Variants in PRKCA observed in about 807,000 individuals in gnomAD.
PRKCA encodes protein kinase C alpha, also known as protein kinase C alpha type.
PRKCA carries 27 observed loss-of-function variants against 87.0 expected under a neutral mutation model. The observed-to-expected ratio is 0.31, with a 90% CI of 0.23 to 0.43. The LOEUF (loss-of-function observed/expected upper bound fraction) is 0.43, where lower values mean the gene tolerates loss of function less well. PRKCA is among the 20% of genes least tolerant of loss of function. The probability of loss-of-function intolerance (pLI) is 1.00; values close to 1 mark genes in which losing one functional copy is unlikely to be tolerated. For synonymous variants in PRKCA, 329 were observed against 311.1 expected, an observed-to-expected ratio of 1.06 and a Z score of -0.61; for missense variants, 518 against 852.3, an observed-to-expected ratio of 0.61 and a Z score of 4.88.
intron 7 of PRKCA, among the ~76,000 whole-genome samples, chr17:66,688,677 C>T (rs1040075634): frequency 1.3e-5 from 2 of 152,016 alleles, no homozygotes; most frequent in African/African-American, 4.8e-5. Flanking sequence ...GTGGTGTACC[C>T]CTGTAGTCCC....
intron 10 of PRKCA, 97 bp downstream of exon 10, chr17:66,735,759 T>G: frequency 7.2e-7 from 1 of 1,389,940 alleles, no homozygotes; most frequent in Non-Finnish European, 9.8e-7. Context: ...TGGAGAAGGC[T>G]GGAGAAAGGT....
At chr17:66,661,180 AGCT>A (rs775268283) in intron 5 of PRKCA, among the ~76,000 whole-genome samples, 2 of 152,134 alleles carry the variant, frequency 1.3e-5, no homozygotes, top group African/African-American at 2.4e-5. Flanking sequence ...CGCCTCTTGC[AGCT>A]GCATGTCTTC....
intron 8 of PRKCA, among the ~76,000 whole-genome samples, chr17:66,729,770 G>A (rs2144191184): frequency 6.7e-6 from 1 of 148,264 alleles, no homozygotes; most frequent in African/African-American, 2.5e-5. Flanking sequence ...CCCTGTATGA[G>A]CGAGTTATTC....
In PRKCA at chr17:66,645,517, G is replaced by T; in HGVS notation, c.529+6G>T. On this transcript the variant is annotated splice_donor_region_variant and intron_variant, in intron 5 of 16. Coordinates refer to ENST00000413366, the MANE Select transcript of PRKCA (RefSeq NM_002737.3). ...TGAAAAGCTCCATGTCACAGGTAAG[G>T]CTTGCTCATCCCGGAGCAGCATCGT... is the stretch of plus-strand genomic sequence containing the variant. 1.2e-6 allele frequency: 2 copies of T among 1,614,134 alleles called. No homozygotes were observed. The highest frequency in any genetic ancestry group is 4.5e-5 in the East Asian group (2 of 44,882).
intron 3 of PRKCA, among the ~76,000 whole-genome samples, chr17:66,552,758 G>A (rs983363577): frequency 3.3e-5 from 5 of 152,046 alleles, no homozygotes; most frequent in South Asian, 2.1e-4. Context: ...TGAGCCACTA[G>A]GTCCAGCCCA....
chr17:66,705,700 G>T (rs963558352), intron 8 of PRKCA, among the ~76,000 whole-genome samples: 1 of 152,136 alleles, frequency 6.6e-6, no homozygotes, highest in African/African-American at 2.4e-5. Context: ...GGATGAGCAG[G>T]TACCAAGGGT....
intron 2 of PRKCA, among the ~76,000 whole-genome samples, chr17:66,318,716 G>T (rs985932285): frequency 5.9e-5 from 9 of 152,102 alleles, no homozygotes; most frequent in Non-Finnish European, 8.8e-5. Context: ...TTAGCCAGGC[G>T]TGGTGGCGGG....
At chr17:66,388,594 C>T (rs567805336) in intron 2 of PRKCA, among the ~76,000 whole-genome samples, 10 of 152,106 alleles carry the variant, frequency 6.6e-5, no homozygotes, top group East Asian at 1.9e-4. Context: ...TGTGCCCAGC[C>T]GATACTTAGC....
chr17:66,591,228 C>T (rs1345884726), intron 3 of PRKCA, among the ~76,000 whole-genome samples: 1 of 152,176 alleles, frequency 6.6e-6, no homozygotes, highest in Non-Finnish European at 1.5e-5. Flanking sequence ...TCAGGGCTCG[C>T]TGTAGCCTTG....
intron 13 of PRKCA, among the ~76,000 whole-genome samples, chr17:66,771,617 G>A (rs538783066): frequency 2.2e-4 from 33 of 150,994 alleles, no homozygotes; most frequent in South Asian, 4.2e-4. Context: ...TTTTTGAGAC[G>A]GAGTCTCGCT....
intron 2 of PRKCA, among the ~76,000 whole-genome samples, chr17:66,356,507 T>G (rs1236822157): frequency 6.6e-6 from 1 of 151,766 alleles, no homozygotes; most frequent in Non-Finnish European, 1.5e-5. Flanking sequence ...TGGTGTCGGG[T>G]GCCTGTAGTC....
intron 2 of PRKCA, among the ~76,000 whole-genome samples, chr17:66,368,364 G>GTGTATGTATATATATATATATATATATA (rs1908867659): frequency 2.2e-5 from 1 of 44,504 alleles, no homozygotes; most frequent in African/African-American, 8.3e-5. Flanking sequence ...GTGTGTATAT[G>GTGTATGTATATATATATATATATATATA]TATATATATA....
rs1975960669 is a variant in PRKCA, at chr17:66,803,867, CCA to C, written c.1855-3_1855-2del. On this transcript the variant is annotated splice_region_variant and splice_polypyrimidine_tract_variant and intron_variant, in intron 16 of 16. Transcript: ENST00000413366. This position sits in a 1 kb window ranked among gnomAD's most constrained non-coding sequence, Gnocchi z 4.4. ...ACCTTTCCTTCTTTTTGTCTTTTCT[CCA>C]CAGTGTGGCAAAGGAGCAGAGAACT... The C allele has an allele frequency of 6.2e-7, 1 of 1,613,166 alleles. No homozygotes were observed. The highest frequency in any genetic ancestry group is 1.3e-5 in the African/African-American group (1 of 74,880).
intron 2 of PRKCA, among the ~76,000 whole-genome samples, chr17:66,393,021 G>A (rs1369334476): frequency 6.6e-6 from 1 of 152,148 alleles, no homozygotes; most frequent in Non-Finnish European, 1.5e-5. Flanking sequence ...AAATAGAGGG[G>A]AAATGATGGA....
intron 2 of PRKCA, among the ~76,000 whole-genome samples, chr17:66,410,406 A>G (rs886538335): frequency 4.6e-5 from 7 of 152,210 alleles, no homozygotes; most frequent in Non-Finnish European, 8.8e-5. Flanking sequence ...CTAAGTCATT[A>G]TAGCTTTTCC....
intron 2 of PRKCA, among the ~76,000 whole-genome samples, chr17:66,452,492 G>A (rs75139536): frequency 6.6e-6 from 1 of 152,182 alleles, no homozygotes; most frequent in Non-Finnish European, 1.5e-5. Flanking sequence ...ATTTATCTTG[G>A]GGTTTTTATT....
At chr17:66,327,479 T>G (rs1906052996) in intron 2 of PRKCA, among the ~76,000 whole-genome samples, 1 of 151,718 alleles carries the variant, frequency 6.6e-6, no homozygotes, top group East Asian at 1.9e-4. Flanking sequence ...GAGGTTGCAG[T>G]GAGCCGAGAT....
intron 2 of PRKCA, among the ~76,000 whole-genome samples, chr17:66,386,531 T>C (rs1300989496): frequency 6.6e-6 from 1 of 152,190 alleles, no homozygotes; most frequent in Non-Finnish European, 1.5e-5. Context: ...ATGATGGGTA[T>C]GTAGAATAAA....
intron 3 of PRKCA, among the ~76,000 whole-genome samples, chr17:66,552,736 G>C (rs561741996): frequency 2.0e-5 from 3 of 152,100 alleles, no homozygotes; most frequent in Non-Finnish European, 4.4e-5. Flanking sequence ...ACCATAGTCT[G>C]TTCATTTGAA....
Sources: gnomAD v4.1 joint callset for allele counts (sites outside exome capture counted in the v4.1 genomes callset) on GRCh38, gnomAD v4.1.1 for gene constraint, Gnocchi (gnomAD v3.1) non-coding constraint, MANE v1.5 for transcripts, NCBI Gene and HGNC (gene_info 2026-07-23, HGNC 2026-07-21) for gene names.